The following MAGI2 variants were observed in gnomAD, a reference collection of about 807,000 sequenced individuals.
MAGI2 encodes the protein membrane-associated guanylate kinase, WW and PDZ domain-containing protein 2.
MAGI2 carries 35 observed loss-of-function variants against 133.3 expected under a neutral mutation model. The observed-to-expected ratio is 0.26, with a 90% CI of 0.20 to 0.35. The LOEUF (loss-of-function observed/expected upper bound fraction) is 0.35. Ranked by LOEUF, MAGI2 falls within the 10% of genes least tolerant of loss-of-function variation. MAGI2 has a pLI of 1.00. For missense variants in MAGI2, 1,636 were observed against 1,863.4 expected, an observed-to-expected ratio of 0.88 and a Z score of 2.25; for synonymous variants, 729 against 710.6, an observed-to-expected ratio of 1.03 and a Z score of -0.41.
At chr7:79,166,945 C>T (rs1381447750) in intron 1 of MAGI2, among the ~76,000 whole-genome samples, 1 of 151,864 alleles carries the variant, frequency 6.6e-6, no homozygotes, top group East Asian at 1.9e-4. Context: ...TAGGAACTCA[C>T]GTAATTTTTT....
At chr7:78,356,598 T>G (rs1792106447) in intron 7 of MAGI2, among the ~76,000 whole-genome samples, 1 of 152,350 alleles carries the variant, frequency 6.6e-6, no homozygotes, top group South Asian at 2.1e-4. Flanking sequence ...TACTTATTAT[T>G]TGTCAATTGA....
At position 78,134,965 on chromosome 7, in the gene MAGI2, C is replaced by T. The variant is rs913851013; in HGVS notation, c.3031+56G>A. On this transcript the variant is annotated intron_variant, in intron 17 of 21. Transcript: ENST00000354212. ...CCCTGGCGGGCAGGCTGAGAACACC[C>T]GGTGAGTGTGTCCATGTGTTGGCCG... The T allele has an allele frequency of 2.9e-5, 44 of 1,515,192 alleles. 1 individual carries two copies. In the South Asian group the frequency reaches 3.2e-4, roughly 11 times the overall value. The allele number at this position is 1,515,192 out of a possible 1,614,324, so 93.9% of individuals were successfully genotyped here.
At chr7:78,970,086 GTCT>G (rs775856498) in intron 2 of MAGI2, among the ~76,000 whole-genome samples, 36 of 151,920 alleles carry the variant, frequency 2.4e-4, no homozygotes, top group Non-Finnish European at 4.3e-4. Context: ...ATTCATTATG[GTCT>G]TCCAAATTCC....
intron 6 of MAGI2, among the ~76,000 whole-genome samples, chr7:78,445,154 T>C (rs910809827): frequency 6.6e-6 from 1 of 151,886 alleles, no homozygotes; most frequent in Non-Finnish European, 1.5e-5. Flanking sequence ...TAGCTTACAC[T>C]TTAGTCACGT....
intron 3 of MAGI2, among the ~76,000 whole-genome samples, chr7:78,546,600 C>T (rs983104703): frequency 3.9e-5 from 6 of 152,220 alleles, no homozygotes; most frequent in Non-Finnish European, 7.4e-5. Context: ...ATATTGCCAA[C>T]AGCTGTGTCC....
chr7:78,869,604 A>G (rs767694959), intron 2 of MAGI2, among the ~76,000 whole-genome samples: 2 of 152,222 alleles, frequency 1.3e-5, no homozygotes, highest in Non-Finnish European at 2.9e-5. Flanking sequence ...GAAATTGACA[A>G]TCATGGCATA....
At chr7:79,416,961 G>T (rs2214808) in intron 1 of MAGI2, among the ~76,000 whole-genome samples, 36,414 of 151,272 alleles carry the variant, frequency 0.24, 6,125 homozygotes, top group African/African-American at 0.48. Context: ...CTCTTACTCC[G>T]GATCTTGTGA....
intron 3 of MAGI2, among the ~76,000 whole-genome samples, chr7:78,624,957 T>G (rs539739872): frequency 6.6e-6 from 1 of 152,030 alleles, no homozygotes. Flanking sequence ...GGGCAGGTCC[T>G]TAGGAGGTAT....
At chr7:79,163,383 A>G (rs1487967604) in intron 1 of MAGI2, among the ~76,000 whole-genome samples, 6 of 152,070 alleles carry the variant, frequency 3.9e-5, no homozygotes, top group Non-Finnish European at 8.8e-5. Context: ...CATGTTGGCC[A>G]GGCTGGTTGC....
At chr7:78,364,860 C>T (rs373275985) in intron 7 of MAGI2, among the ~76,000 whole-genome samples, 1 of 152,210 alleles carries the variant, frequency 6.6e-6, no homozygotes, top group East Asian at 1.9e-4. Context: ...GTGACAGTTA[C>T]ATTCCTAGTT....
chr7:79,359,855 A>G (rs1450487565), intron 1 of MAGI2, among the ~76,000 whole-genome samples: 2 of 152,248 alleles, frequency 1.3e-5, no homozygotes, highest in East Asian at 1.9e-4. Flanking sequence ...CCCTTTTCCC[A>G]TTTAGAAAAA....
chr7:79,028,085 G>A (rs1057068388), intron 1 of MAGI2, among the ~76,000 whole-genome samples: 21 of 151,132 alleles, frequency 1.4e-4, no homozygotes, highest in Non-Finnish European at 2.7e-4. Context: ...GGTGGCATGC[G>A]CCTGTAGTCC....
intron 3 of MAGI2, among the ~76,000 whole-genome samples, chr7:78,571,170 C>A (rs1801458259): frequency 6.6e-6 from 1 of 152,152 alleles, no homozygotes; most frequent in Non-Finnish European, 1.5e-5. Flanking sequence ...CATTCTCCAA[C>A]ATGCAAATTA....
intron 3 of MAGI2, among the ~76,000 whole-genome samples, chr7:78,608,558 C>G (rs1806087191): frequency 6.6e-6 from 1 of 151,816 alleles, no homozygotes; most frequent in Non-Finnish European, 1.5e-5. Context: ...ATAGTAAACT[C>G]TATCTAAAGT....
At position 78,061,917 on chromosome 7, in the gene MAGI2, C is replaced by T. The variant is rs1052922052; in HGVS notation, c.3706+17030G>A. The stretch of plus-strand genomic sequence containing the variant: ...AAACTGGAGATCTTTGAGGGGACTT[C>T]GTCATTGGAGTCTTGATAAAATTCA... On this transcript the variant is annotated intron_variant, in intron 21 of 21. Coordinates refer to ENST00000354212, the MANE Select transcript of MAGI2 (RefSeq NM_012301.4). Among the ~76,000 whole-genome samples, 8 of 152,122 alleles carry T rather than the reference C, an allele frequency of 5.3e-5. No individual in the cohort carries two copies. The South Asian group carries it at 6.2e-4, about 12-fold the overall frequency.
At chr7:78,238,619 T>C (rs920145951) in intron 10 of MAGI2, among the ~76,000 whole-genome samples, 3 of 152,134 alleles carry the variant, frequency 2.0e-5, no homozygotes, top group East Asian at 1.9e-4. Flanking sequence ...TTTTAAAATA[T>C]ATTTACAATC....
chr7:79,214,998 T>A (rs1296404772), intron 1 of MAGI2, among the ~76,000 whole-genome samples: 1 of 151,004 alleles, frequency 6.6e-6, no homozygotes, highest in East Asian at 1.9e-4. Flanking sequence ...TACACAAATA[T>A]TTCTAAACCA....
At chr7:79,348,999 A>G (rs1841510305) in intron 1 of MAGI2, among the ~76,000 whole-genome samples, 1 of 151,972 alleles carries the variant, frequency 6.6e-6, no homozygotes, top group Non-Finnish European at 1.5e-5. Flanking sequence ...ATTTAGCTCA[A>G]AAAAAGACAT....
intron 1 of MAGI2, among the ~76,000 whole-genome samples, chr7:79,280,897 C>A (rs1835583766): frequency 7.5e-6 from 1 of 133,320 alleles, no homozygotes. Flanking sequence ...CATACTCCAG[C>A]CTGGGTGACA....
Sources: allele counts gnomAD v4.1 joint callset (sites outside exome capture counted in the v4.1 genomes callset), GRCh38; gene constraint gnomAD v4.1.1; transcripts MANE v1.5; gene names NCBI Gene and HGNC (gene_info 2026-07-23, HGNC 2026-07-21).